SPON1: variants seen among roughly 807,000 people sequenced by gnomAD.
SPON1 encodes spondin 1.
In SPON1, 52 loss-of-function variants were observed where a neutral mutation model predicts 111.7. That is an observed-to-expected ratio of 0.47 (90% CI 0.37 to 0.59). The LOEUF is 0.59. Ranked by LOEUF, SPON1 falls within the 20% of genes least tolerant of loss-of-function variation. The pLI is 0.00. For synonymous variants in SPON1, 410 were observed against 395.8 expected (o/e 1.04, Z -0.43); for missense variants, 957 against 1,068.5 (o/e 0.90, Z 1.46).
At chr11:14,146,585 T>C (rs1847722166) in intron 6 of SPON1, among the ~76,000 whole-genome samples, 1 of 152,198 alleles carries the variant, frequency 6.6e-6, no homozygotes. Flanking sequence ...TCCCAGATAA[T>C]TTTTTAAAAA....
intron 6 of SPON1, among the ~76,000 whole-genome samples, chr11:14,166,114 C>T (rs1396728840): frequency 6.6e-6 from 1 of 152,108 alleles, no homozygotes; most frequent in Admixed American, 6.5e-5. Context: ...CCAGATTCCC[C>T]AATGGACTTT....
intron 6 of SPON1, among the ~76,000 whole-genome samples, chr11:14,150,656 G>A (rs560844983): frequency 4.4e-4 from 67 of 152,134 alleles, no homozygotes; most frequent in Admixed American, 1.4e-3. Context: ...CATGGTGAGC[G>A]TGAAACTAAA....
At chr11:14,105,213 C>A (rs1351477016) in intron 5 of SPON1, among the ~76,000 whole-genome samples, 1 of 151,984 alleles carries the variant, frequency 6.6e-6, no homozygotes, top group East Asian at 1.9e-4. Flanking sequence ...TAAATCTATT[C>A]AAAGCATCTA....
chr11:14,226,952 A>G (rs1030560), intron 6 of SPON1, among the ~76,000 whole-genome samples: 151,182 of 152,236 alleles, frequency 0.99, 75,077 homozygotes, highest in Middle Eastern at 1. Context: ...CCTCTCCTTT[A>G]GTCAAATCTC....
At position 13,983,377 on chromosome 11, in the gene SPON1, T is replaced by C. The variant is rs139641385; in HGVS notation, c.345+424T>C. 6.6e-3 allele frequency among the ~76,000 whole-genome samples: 1,001 copies of C among 152,334 alleles called. 8 individuals are homozygous for C. The highest frequency in any genetic ancestry group is 0.023 in the African/African-American group (947 of 41,562). ...CAGGAGAAGGACTATTAAGGGAATG[T>C]AGAGATTGATTTATGAGGGAAGATT... On this transcript the variant is annotated intron_variant, in intron 2 of 15. Coordinates refer to ENST00000576479, the MANE Select transcript of SPON1 (RefSeq NM_006108.4).
chr11:14,104,752 TC>T (rs1849172149), intron 5 of SPON1, among the ~76,000 whole-genome samples: 1 of 152,112 alleles, frequency 6.6e-6, no homozygotes, highest in Admixed American at 6.5e-5. Flanking sequence ...TTCAGGTCTA[TC>T]TTTTAAGATC....
chr11:14,126,672 A>G (rs141879245), intron 5 of SPON1, among the ~76,000 whole-genome samples: 4 of 152,300 alleles, frequency 2.6e-5, no homozygotes, highest in African/African-American at 7.2e-5. Context: ...CTGAAAGCCA[A>G]AAAGGATAGT....
intron 6 of SPON1, among the ~76,000 whole-genome samples, chr11:14,223,490 T>C (rs1407756551): frequency 5.9e-5 from 9 of 152,212 alleles, no homozygotes; most frequent in African/African-American, 2.2e-4. Context: ...ATTATAAAAA[T>C]ATTCATTTAT....
chr11:14,255,893 C>G, intron 9 of SPON1, 106 bp downstream of exon 9: 5 of 1,244,656 alleles, frequency 4.0e-6, no homozygotes, highest in Non-Finnish European at 5.5e-6. Flanking sequence ...CAGAAAGCAC[C>G]TCAGGATATG....
intron 3 of SPON1, among the ~76,000 whole-genome samples, chr11:14,064,506 AG>A (rs140064760): frequency 1.3e-5 from 2 of 152,324 alleles, no homozygotes; most frequent in African/African-American, 2.4e-5. Context: ...GTACTTGGGG[AG>A]GGGGGTATCA....
intron 2 of SPON1, among the ~76,000 whole-genome samples, chr11:14,029,096 A>T (rs1336681352): frequency 6.6e-6 from 1 of 151,016 alleles, no homozygotes; most frequent in Non-Finnish European, 1.5e-5. Context: ...CTAACTGAGG[A>T]CTACACCATG....
At chr11:14,071,513 TG>T (rs2133828103) in intron 3 of SPON1, among the ~76,000 whole-genome samples, 1 of 152,300 alleles carries the variant, frequency 6.6e-6, no homozygotes, top group African/African-American at 2.4e-5. Flanking sequence ...CCCACTAGAC[TG>T]CCCACCATCA....
chr11:14,058,435 G>T (rs1848764061), intron 3 of SPON1, among the ~76,000 whole-genome samples: 3 of 152,070 alleles, frequency 2.0e-5, no homozygotes, highest in Non-Finnish European at 4.4e-5. Context: ...GGCGGAGTTG[G>T]GCAGGTACCC....
chr11:14,194,861 A>G (rs1271085077), intron 6 of SPON1, among the ~76,000 whole-genome samples: 5 of 152,222 alleles, frequency 3.3e-5, no homozygotes, highest in African/African-American at 1.2e-4. Context: ...GAAATCCTAA[A>G]TTTAAAGGTA....
intron 15 of SPON1, among the ~76,000 whole-genome samples, chr11:14,264,140 T>C (rs1369117180): frequency 6.6e-6 from 1 of 151,276 alleles, no homozygotes; most frequent in Admixed American, 6.6e-5. Context: ...GTCCAAGTGA[T>C]AAATGGGATG....
chr11:14,111,176 C>T (rs1036869964), intron 5 of SPON1, among the ~76,000 whole-genome samples: 6 of 152,210 alleles, frequency 3.9e-5, no homozygotes, highest in African/African-American at 1.4e-4. Context: ...TCTCATATTA[C>T]CCTCAACCCT....
intron 1 of SPON1, among the ~76,000 whole-genome samples, chr11:13,976,417 T>C (rs1184742294): frequency 6.6e-6 from 1 of 152,210 alleles, no homozygotes; most frequent in Non-Finnish European, 1.5e-5. Context: ...TGAGGTTCTC[T>C]GGAAAGATAG....
At chr11:14,061,757 C>CA (rs781792627) in intron 3 of SPON1, among the ~76,000 whole-genome samples, 6 of 152,332 alleles carry the variant, frequency 3.9e-5, no homozygotes, top group Non-Finnish European at 5.9e-5. Flanking sequence ...GCTGCAGCTC[C>CA]AAAAGCTGGT....
At chr11:13,998,730 G>C (rs1164161473) in intron 2 of SPON1, among the ~76,000 whole-genome samples, 2 of 152,154 alleles carry the variant, frequency 1.3e-5, no homozygotes, top group African/African-American at 2.4e-5. Flanking sequence ...TTTCCAAATT[G>C]ATGGATATCT....
Sources: allele counts gnomAD v4.1 joint callset (sites outside exome capture counted in the v4.1 genomes callset), GRCh38; gene constraint gnomAD v4.1.1; transcripts MANE v1.5; gene names NCBI Gene and HGNC (gene_info 2026-07-23, HGNC 2026-07-21).